DNAJC2: variants seen among roughly 807,000 people sequenced by gnomAD.
DNAJC2 encodes dnaJ homolog subfamily C member 2.
DNAJC2 carries 32 observed loss-of-function variants against 94.0 expected under a neutral mutation model. The ratio of observed to expected loss-of-function variants is 0.34; its 90% CI spans 0.26 to 0.46. The LOEUF is 0.46. Among genes scored for constraint, DNAJC2 ranks in the 20% least tolerant of loss-of-function variants. The pLI, the probability that DNAJC2 is intolerant of heterozygous loss-of-function variation, is 1.00. For synonymous variants in DNAJC2, 210 were observed against 229.7 expected (o/e 0.91, Z 0.77); for missense variants, 550 against 719.5 (o/e 0.76, Z 2.69).
rs1192059213 is a variant in DNAJC2, at chr7:103,312,486, A to G, written c.*83T>C. On this transcript the variant is annotated 3_prime_UTR_variant, in exon 17 of 17. Transcript: ENST00000379263. Reference sequence around the variant, plus strand: ...GTTGGAAGCAGCATACTTTCAAATTATTACCATGAGTATAATTTTAAGAAT... The same window carrying G: ...GTTGGAAGCAGCATACTTTCAAATTGTTACCATGAGTATAATTTTAAGAAT... 1 of 1,565,056 alleles carries G rather than the reference A, an allele frequency of 6.4e-7. No homozygotes were observed. Among genetic ancestry groups the G allele is most frequent in the Non-Finnish European group, 8.6e-7 (1 of 1,161,112 alleles).
At chr7:103,337,660 G>T in intron 3 of DNAJC2, 76 bp downstream of exon 3, 1 of 1,169,730 alleles carries the variant, frequency 8.5e-7, no homozygotes, top group Non-Finnish European at 1.3e-6. Context: ...CTATGATACT[G>T]TATATCTTTT....
At chr7:103,333,951 ATTTTTTT>A (rs1213072243) in intron 3 of DNAJC2, among the ~76,000 whole-genome samples, 3 of 139,510 alleles carry the variant, frequency 2.2e-5, no homozygotes, top group African/African-American at 7.9e-5. Flanking sequence ...TGTTGTGAAC[ATTTTTTT>A]TTTTTTTTTT....
rs763260583 is a variant in DNAJC2 at position 103,312,322 on chromosome 7, A to G, written c.*247T>C. 2.5e-6 allele frequency: 4 copies of G among 1,598,378 alleles called. No homozygotes were observed. The South Asian group carries it at 4.4e-5, about 18-fold the overall frequency. On this transcript the variant is annotated 3_prime_UTR_variant, in exon 17 of 17. Coordinates refer to ENST00000379263, the MANE Select transcript of DNAJC2 (RefSeq NM_014377.3). ...ACACATGTATTTATAAAACAGAGCT[A>G]GAGAAAAATAAAAATGAACATGTAT...
chr7:103,315,815 G>A lies in DNAJC2; in HGVS notation c.1585C>T (p.His529Tyr). The change falls in exon 15 of 17, where the codon CAT becomes TAT. Residue 529 changes from histidine (H) to tyrosine (Y), a missense_variant. Transcript: ENST00000379263. ...TTGTCTGCTTGAGGTACCACTCCATGTTCTTTTTTGAACTTATCAAATGCC... is the reference window on the plus strand; with the variant it reads ...TTGTCTGCTTGAGGTACCACTCCATATTCTTTTTTGAACTTATCAAATGCC... ...KKAFDKFKKE[H>Y]GVVPQADNAT... is the part of the protein sequence containing the mutation. 6.2e-7 allele frequency: 1 copy of A among 1,613,650 alleles called. No individual in the cohort carries two copies. The highest frequency in any genetic ancestry group is 8.5e-7 in the Non-Finnish European group (1 of 1,179,828).
intron 16 of DNAJC2, 98 bp downstream of exon 16, chr7:103,312,849 C>T: frequency 1.3e-6 from 2 of 1,528,782 alleles, no homozygotes; most frequent in South Asian, 2.7e-5. Flanking sequence ...TTGAAATAAG[C>T]ACTATATTAT....
intron 1 of DNAJC2, among the ~76,000 whole-genome samples, chr7:103,342,798 C>CG (rs1194584444): frequency 4.6e-5 from 7 of 151,152 alleles, no homozygotes; most frequent in African/African-American, 1.7e-4. Flanking sequence ...TTAGTAAAGA[C>CG]GGGGTTTCAC....
chr7:103,342,471 AATTTTGT>A (rs1036227728), intron 1 of DNAJC2, among the ~76,000 whole-genome samples: 1 of 151,364 alleles, frequency 6.6e-6, no homozygotes, highest in Non-Finnish European at 1.5e-5. Flanking sequence ...ATGCCCAGCT[AATTTTGT>A]ATTTTTAGTA....
At chr7:103,324,791 C>T (rs756777803) in intron 5 of DNAJC2, 6 of 284,988 alleles carry the variant, frequency 2.1e-5, no homozygotes, top group Non-Finnish European at 3.9e-5. Flanking sequence ...AGAGAAACAA[C>T]GGGACAGACT....
Position 103,315,889 on chromosome 7 carries a change from T to C in DNAJC2, c.1529-18A>G, listed in dbSNP as rs754966522. On this transcript the variant is annotated intron_variant, in intron 14 of 16. Coordinates refer to ENST00000379263, the MANE Select transcript of DNAJC2 (RefSeq NM_014377.3). ...ATGAGGGTCTGAGAAATGAAAAAAA[T>C]TTAATACTTAACAGATCATCATTTA... The C allele has an allele frequency of 1.3e-6, 2 of 1,580,184 alleles. No individual in the cohort carries two copies. The highest frequency in any genetic ancestry group is 4.5e-5 in the East Asian group (2 of 44,696).
intron 12 of DNAJC2, among the ~76,000 whole-genome samples, chr7:103,318,668 G>A (rs1188087492): frequency 2.0e-5 from 3 of 152,116 alleles, no homozygotes; most frequent in Admixed American, 2.0e-4. Flanking sequence ...AATACTTGTT[G>A]AATTGAATTG....
At chr7:103,342,925 T>C (rs912723711) in intron 1 of DNAJC2, among the ~76,000 whole-genome samples, 5 of 151,840 alleles carry the variant, frequency 3.3e-5, no homozygotes, top group South Asian at 2.1e-4. Context: ...ATAATTTTAA[T>C]AAAGTAATAA....
At chr7:103,317,247 C>T in intron 12 of DNAJC2, 2 of 470,344 alleles carry the variant, frequency 4.3e-6, no homozygotes, top group Non-Finnish European at 7.5e-6. Context: ...TTTCCCAGTA[C>T]TCATGTCATG....
chr7:103,332,643 G>C (rs949929698), intron 3 of DNAJC2, among the ~76,000 whole-genome samples: 2 of 151,392 alleles, frequency 1.3e-5, no homozygotes, highest in Admixed American at 6.6e-5. Context: ...TTGCGGGGGA[G>C]GGGATGGGGA....
At chr7:103,343,379 T>TG (rs1296532106) in intron 1 of DNAJC2, among the ~76,000 whole-genome samples, 2 of 152,202 alleles carry the variant, frequency 1.3e-5, no homozygotes, top group Non-Finnish European at 2.9e-5. Context: ...GAATTTGTCC[T>TG]GAAAGCAATT....
intron 11 of DNAJC2, 27 bp from the exon 12 acceptor site, chr7:103,319,705 A>C: frequency 6.2e-7 from 1 of 1,614,020 alleles, no homozygotes; most frequent in Non-Finnish European, 8.5e-7. Flanking sequence ...AAGAAATGAA[A>C]CTTTATCCTA....
intron 4 of DNAJC2, 56 bp downstream of exon 4, chr7:103,327,600 C>A (rs1468598424): frequency 8.6e-7 from 1 of 1,158,862 alleles, no homozygotes; most frequent in Admixed American, 2.0e-5. Flanking sequence ...CCAATCCCAG[C>A]AATTAATAAA....
At chr7:103,319,926 T>G in intron 10 of DNAJC2, 82 bp from the exon 11 acceptor site, 4 of 1,467,874 alleles carry the variant, frequency 2.7e-6, no homozygotes, top group Non-Finnish European at 3.8e-6. Context: ...TCCCAGCTAC[T>G]CGGGAGGCTG....
chr7:103,323,653 C>T lies in DNAJC2; in HGVS notation c.664G>A (p.Asp222Asn). The stretch of plus-strand genomic sequence containing the variant: ...AAATAAGAAAATTCTCTCCAAGAAT[C>T]AAAATTATACCTAATATAGACAGAA... ...DIFYSFWYNF[D>N]SWREFSYLDE... is the part of the protein sequence containing the mutation. Residue 222 changes from aspartate to asparagine, a missense_variant, in exon 7 of 17, where the codon GAT (aspartate) becomes AAT (asparagine). Physicochemically the swap from Asp to Asn is conservative, Grantham distance 23. Coordinates refer to ENST00000379263, the MANE Select transcript of DNAJC2 (RefSeq NM_014377.3). 1 of 1,436,862 alleles carries T rather than the reference C, an allele frequency of 7.0e-7. No homozygotes were observed. The highest frequency in any genetic ancestry group is 9.5e-7 in the Non-Finnish European group (1 of 1,053,058). The allele number at this position is 1,436,862 out of a possible 1,614,324, so 89.0% of individuals were successfully genotyped here.
chr7:103,338,904 C>T (rs539531039), intron 2 of DNAJC2, among the ~76,000 whole-genome samples: 340 of 151,882 alleles, frequency 2.2e-3, no homozygotes, highest in Non-Finnish European at 4.1e-3. Flanking sequence ...AGTGAGACTC[C>T]GTCTCAAAAT....
Sources: gnomAD v4.1 joint callset for allele counts (sites outside exome capture counted in the v4.1 genomes callset) on GRCh38, gnomAD v4.1.1 for gene constraint, MANE v1.5 for transcripts, NCBI Gene and HGNC (gene_info 2026-07-23, HGNC 2026-07-21) for gene names.